Variants in TRRAP observed in about 807,000 individuals in gnomAD.
TRRAP encodes transformation/transcription domain-associated protein.
A neutral mutation model predicts 438.8 loss-of-function variants in TRRAP; 41 were observed. The ratio of observed to expected loss-of-function variants is 0.09; its 90% CI spans 0.07 to 0.12. The LOEUF (loss-of-function observed/expected upper bound fraction) is 0.12. TRRAP is among the 10% of genes least tolerant of loss of function. TRRAP has a pLI of 1.00. For missense variants in TRRAP, 3,122 were observed against 5,055.1 expected (o/e 0.62, Z 11.60); for synonymous variants, 1,994 against 1,962.9 (o/e 1.02, Z -0.42).
At chr7:98,966,247 G>A (rs147044231) in intron 49 of TRRAP, among the ~76,000 whole-genome samples, 188 of 152,064 alleles carry the variant, frequency 1.2e-3, no homozygotes, top group African/African-American at 4.3e-3. Context: ...TGGAGCTTGC[G>A]GTGAGCTGAG....
chr7:98,887,012 C>T (rs782404920), intron 3 of TRRAP, among the ~76,000 whole-genome samples: 1 of 152,208 alleles, frequency 6.6e-6, no homozygotes, highest in Non-Finnish European at 1.5e-5. Flanking sequence ...AATGATCTTC[C>T]TGCTTCGGCC....
intron 14 of TRRAP, 122 bp downstream of exon 14, chr7:98,909,084 C>T (rs918840827): frequency 1.9e-5 from 18 of 925,860 alleles, no homozygotes; most frequent in Middle Eastern, 3.1e-4. Context: ...AGTGCAGTGG[C>T]GTGATCTCAG....
chr7:98,929,965 G>A (rs377124763), intron 23 of TRRAP, 24 bp from the exon 24 acceptor site: 22 of 1,611,106 alleles, frequency 1.4e-5, no homozygotes, highest in South Asian at 2.2e-5. Context: ...CTGTTCTCAC[G>A]TGCCTTCCCA....
chr7:98,895,979 C>A (rs1649172879), intron 7 of TRRAP, among the ~76,000 whole-genome samples, 159 bp downstream of exon 7: 1 of 152,144 alleles, frequency 6.6e-6, no homozygotes, highest in Non-Finnish European at 1.5e-5. Flanking sequence ...GTTGATAAGT[C>A]AGCCATTCAA....
Position 98,970,198 on chromosome 7 carries a change from C to T in TRRAP, c.7599C>T (p.Asn2533=). ...AMLPSITNVI[N]LADSHDRAAF... The stretch of plus-strand genomic sequence containing the variant: ...TCCCGTCCATCACCAACGTCATCAA[C>T]CTGGCCGATAGCCACGACCGTGCCG... The change falls in exon 52 of 73, where the codon AAC becomes AAT. Residue 2533 remains asparagine, a synonymous_variant. Transcript: ENST00000456197. The T allele has an allele frequency of 6.2e-7, 1 of 1,613,926 alleles. No individual in the cohort carries two copies. Among genetic ancestry groups the T allele is most frequent in the Non-Finnish European group, 8.5e-7 (1 of 1,180,032 alleles).
chr7:98,948,162 G>GC lies in TRRAP; in HGVS notation c.4549-59_4549-58insC. ...CTATAGTAGGGTCTGTAGTGACGTT[G>GC]ACCTCTGTCACTTGCAAAATTAATC... On this transcript the variant is annotated intron_variant, in intron 33 of 72. Transcript: ENST00000456197. This position sits in a 1 kb window ranked among gnomAD's most constrained non-coding sequence, Gnocchi z 4.9. 1.2e-6 allele frequency: 2 copies of GC among 1,607,594 alleles called. No homozygotes were observed. Among genetic ancestry groups the GC allele is most frequent in the Admixed American group, 1.7e-5 (1 of 59,976 alleles).
At chr7:98,971,451 G>C (rs768660332) in intron 52 of TRRAP, among the ~76,000 whole-genome samples, 1 of 152,228 alleles carries the variant, frequency 6.6e-6, no homozygotes, top group Non-Finnish European at 1.5e-5. Flanking sequence ...AAGCCAGGCA[G>C]CTGGGCGACT....
In TRRAP at chr7:98,937,745, T is replaced by C. The variant is rs781977815; in HGVS notation, c.4329T>C (p.Asn1443=). 8 of 1,613,982 alleles carry C rather than the reference T, an allele frequency of 5.0e-6. No homozygotes were observed. The highest frequency in any genetic ancestry group is 1.7e-5 in the Admixed American group (1 of 59,988). The change falls in exon 30 of 73, where the codon AAT becomes AAC. Residue 1443 remains asparagine, a synonymous_variant. Transcript: ENST00000456197. ...MLGDYRSLTL[N]VVNRLTSVTR... ...GAGATTACCGGAGCTTGACGCTGAA[T>C]GTTGTGAATCGCCTGACTTCGGTCA...
chr7:98,949,962 G>A, intron 37 of TRRAP, 102 bp from the exon 38 acceptor site: 1 of 1,571,714 alleles, frequency 6.4e-7, no homozygotes, highest in East Asian at 2.2e-5. Flanking sequence ...ATTGGTTGTG[G>A]AGAATGGGCT....
At chr7:98,962,833 T>G (rs1047522556) in intron 47 of TRRAP, among the ~76,000 whole-genome samples, 1 of 152,228 alleles carries the variant, frequency 6.6e-6, no homozygotes, top group Non-Finnish European at 1.5e-5. Context: ...AGGCTCTGGC[T>G]GGCCCAGGTG....
chr7:98,948,715 G>T lies in TRRAP; in HGVS notation c.4788+30G>T, dbSNP rs1554417456. On this transcript the variant is annotated intron_variant, in intron 35 of 72. Transcript: ENST00000456197. The surrounding 1 kb of genome is among the most constrained non-coding windows in gnomAD (Gnocchi z 4.9). ...GAGCTGTGAGCAGCTGGAGTCAGGG[G>T]TCCCTTCAAATGCTTGTGAGCTGTC... 3 of 1,613,964 alleles carry T rather than the reference G, an allele frequency of 1.9e-6. No homozygotes were observed. The highest frequency in any genetic ancestry group is 4.5e-5 in the East Asian group (2 of 44,884).
At chr7:98,925,755 G>C (rs1290201246) in intron 22 of TRRAP, among the ~76,000 whole-genome samples, 2 of 152,210 alleles carry the variant, frequency 1.3e-5, no homozygotes, top group African/African-American at 4.8e-5. Context: ...TGCATTGTAA[G>C]TTTCAGGGGA....
At chr7:98,905,506 A>T (rs1554407385) in intron 12 of TRRAP, among the ~76,000 whole-genome samples, 1 of 152,178 alleles carries the variant, frequency 6.6e-6, no homozygotes, top group African/African-American at 2.4e-5. Context: ...CCATCTGCAC[A>T]TCCTCAGAAG....
At chr7:98,968,268 C>T (rs1361012828) in intron 51 of TRRAP, among the ~76,000 whole-genome samples, 1 of 152,162 alleles carries the variant, frequency 6.6e-6, no homozygotes, top group Non-Finnish European at 1.5e-5. Context: ...ATCTGACTTC[C>T]TCGGCCTCCC....
Position 98,958,017 on chromosome 7 carries a change from T to G in TRRAP, c.6268T>G (p.Ser2090Ala), listed in dbSNP as rs373917597. Residue 2090 changes from serine to alanine, a missense_variant, in exon 44 of 73, where the codon TCT becomes GCT. By Grantham distance (99) the Ser-to-Ala change is moderately conservative. This residue lies in a region of TRRAP where 992 missense variants were observed against 1,281.2 expected (regional missense o/e 0.77). Coordinates refer to ENST00000456197, the MANE Select transcript of TRRAP (RefSeq NM_001375524.1). ...GRSQSLPGAD[S>A]LLAKPIDKQH... The stretch of plus-strand genomic sequence containing the variant: ...GAGCCAGTCGCTACCTGGAGCAGAC[T>G]CTCTCCTCGCCAAGCCCATTGACAA... 7.9e-5 allele frequency: 127 copies of G among 1,614,166 alleles called. No individual in the cohort carries two copies. The highest frequency in any genetic ancestry group is 1.1e-4 in the Non-Finnish European group (125 of 1,180,034).
intron 31 of TRRAP, among the ~76,000 whole-genome samples, chr7:98,944,121 C>T (rs967563580): frequency 6.6e-6 from 1 of 152,166 alleles, no homozygotes; most frequent in African/African-American, 2.4e-5. Context: ...TGGAGGAGAG[C>T]AGAGTATATT....
At chr7:99,010,602 G>A (rs1415927561) in intron 70 of TRRAP, among the ~76,000 whole-genome samples, 2 of 151,408 alleles carry the variant, frequency 1.3e-5, no homozygotes, top group East Asian at 3.9e-4. Flanking sequence ...ACAGAGTTCA[G>A]TCTCTCGTGT....
intron 52 of TRRAP, among the ~76,000 whole-genome samples, chr7:98,971,000 G>A (rs1388862557): frequency 6.6e-6 from 1 of 152,120 alleles, no homozygotes; most frequent in Non-Finnish European, 1.5e-5. Context: ...AAGGTCGTTG[G>A]TTTTTGGAGG....
chr7:98,959,559 A>G, intron 45 of TRRAP, 69 bp downstream of exon 45: 1 of 1,564,120 alleles, frequency 6.4e-7, no homozygotes, highest in Non-Finnish European at 8.6e-7. Context: ...TCACCTGGGC[A>G]GGGACTGGAC....
Sources: allele counts gnomAD v4.1 joint callset (sites outside exome capture counted in the v4.1 genomes callset), GRCh38; gene constraint gnomAD v4.1.1; regional missense constraint gnomAD v4.1.1; non-coding constraint Gnocchi (gnomAD v3.1); transcripts MANE v1.5; gene names NCBI Gene and HGNC (gene_info 2026-07-23, HGNC 2026-07-21).